Variants in CSMD1 observed in about 807,000 individuals in gnomAD.
CSMD1 encodes the protein CUB and Sushi multiple domains 1, also known as CUB and sushi domain-containing protein 1.
CSMD1 carries 213 observed loss-of-function variants against 417.5 expected under a neutral mutation model. The ratio of observed to expected loss-of-function variants is 0.51; its 90% confidence interval spans 0.46 to 0.57. The LOEUF (loss-of-function observed/expected upper bound fraction) is 0.57. Ranked by LOEUF, CSMD1 falls within the 20% of genes least tolerant of loss-of-function variation. CSMD1 has a pLI of 0.00. For synonymous variants in CSMD1, 2,862 were observed against 1,736.8 expected (o/e 1.65, Z -16.11); for missense variants, 6,923 against 4,529.7 (o/e 1.53, Z -15.17).
chr8:3,335,354 A>G (rs1490949726), intron 23 of CSMD1, among the ~76,000 whole-genome samples: 1 of 152,140 alleles, frequency 6.6e-6, no homozygotes, highest in Non-Finnish European at 1.5e-5. Context: ...GTGTGTCCCA[A>G]CGACACAAAT....
chr8:4,346,838 G>A (rs1296337492), intron 3 of CSMD1, among the ~76,000 whole-genome samples: 2 of 152,172 alleles, frequency 1.3e-5, no homozygotes, highest in South Asian at 2.1e-4. Context: ...GATTGAGACT[G>A]AGGGCCTGAG....
At chr8:3,153,704 G>A (rs924588619) in intron 39 of CSMD1, among the ~76,000 whole-genome samples, 1 of 152,148 alleles carries the variant, frequency 6.6e-6, no homozygotes, top group Non-Finnish European at 1.5e-5. Context: ...GGAGGGGCTG[G>A]CCCAGGACCT....
intron 7 of CSMD1, among the ~76,000 whole-genome samples, chr8:3,695,618 C>T (rs1355827426): frequency 6.6e-6 from 1 of 152,024 alleles, no homozygotes; most frequent in Non-Finnish European, 1.5e-5. Flanking sequence ...TCACGTGTTT[C>T]ACAAAAGCAT....
chr8:4,377,690 A>G (rs924452405), intron 3 of CSMD1, among the ~76,000 whole-genome samples: 1 of 152,172 alleles, frequency 6.6e-6, no homozygotes, highest in Non-Finnish European at 1.5e-5. Flanking sequence ...AGCTTTTAAA[A>G]ATTTCATCTG....
At chr8:4,003,203 C>T (rs1815836039) in intron 4 of CSMD1, among the ~76,000 whole-genome samples, 2 of 152,012 alleles carry the variant, frequency 1.3e-5, no homozygotes, top group Admixed American at 1.3e-4. Context: ...ACCATCCTGG[C>T]TAACATGGTG....
In CSMD1 at chr8:4,923,936, G is replaced by C. The variant is rs189393980; in HGVS notation, c.85+70396C>G. On this transcript the variant is annotated intron_variant, in intron 1 of 69. Transcript: ENST00000635120. ...TGGGTTCTATGGAGGAAAGAAAGTA[G>C]CTTAGCAAGCTATTCTCAACCTTGC... Among the ~76,000 whole-genome samples the C allele has an allele frequency of 1.0e-3, 157 of 152,312 alleles. 1 individual carries two copies. Among genetic ancestry groups the C allele is most frequent in the African/African-American group, 4.6e-4 (19 of 41,572 alleles).
At chr8:3,478,380 C>T (rs1262819326) in intron 11 of CSMD1, among the ~76,000 whole-genome samples, 2 of 152,194 alleles carry the variant, frequency 1.3e-5, no homozygotes, top group South Asian at 2.1e-4. Flanking sequence ...GAGTGCAGCC[C>T]ACACTACTTA....
At chr8:4,330,656 C>G (rs1330982062) in intron 3 of CSMD1, among the ~76,000 whole-genome samples, 1 of 151,952 alleles carries the variant, frequency 6.6e-6, no homozygotes, top group Non-Finnish European at 1.5e-5. Context: ...TTCACAACCT[C>G]TTATGCCTTT....
At chr8:3,833,018 A>T (rs1802462785) in intron 5 of CSMD1, among the ~76,000 whole-genome samples, 1 of 152,172 alleles carries the variant, frequency 6.6e-6, no homozygotes, top group South Asian at 2.1e-4. Flanking sequence ...TCAGCTGCTA[A>T]GTTGATACTA....
intron 3 of CSMD1, among the ~76,000 whole-genome samples, chr8:4,198,075 G>A (rs1349118208): frequency 6.6e-6 from 1 of 152,226 alleles, no homozygotes; most frequent in Non-Finnish European, 1.5e-5. Context: ...AAAGCGCAAA[G>A]CGAGGGAAGT....
intron 3 of CSMD1, among the ~76,000 whole-genome samples, chr8:4,093,975 T>C (rs1055193898): frequency 4.7e-5 from 7 of 149,920 alleles, no homozygotes; most frequent in East Asian, 2.0e-4. Flanking sequence ...AATAGATAGA[T>C]AGATAGATAG....
At chr8:3,850,567 C>A (rs1803830295) in intron 5 of CSMD1, among the ~76,000 whole-genome samples, 1 of 152,110 alleles carries the variant, frequency 6.6e-6, no homozygotes, top group Non-Finnish European at 1.5e-5. Context: ...TGATGGCTCT[C>A]ACCTGTTTTC....
intron 5 of CSMD1, among the ~76,000 whole-genome samples, chr8:3,828,168 GC>G (rs1201246759): frequency 6.6e-6 from 1 of 152,054 alleles, no homozygotes; most frequent in Non-Finnish European, 1.5e-5. Flanking sequence ...ATTTACAAAG[GC>G]AATCCAAGTT....
intron 10 of CSMD1, among the ~76,000 whole-genome samples, chr8:3,548,544 T>C (rs889334846): frequency 1.5e-4 from 23 of 151,798 alleles, no homozygotes; most frequent in African/African-American, 4.1e-4. Flanking sequence ...GAACATACGA[T>C]GTTTGGTTTT....
chr8:3,946,830 T>A (rs1811262386), intron 5 of CSMD1, among the ~76,000 whole-genome samples: 1 of 152,186 alleles, frequency 6.6e-6, no homozygotes, highest in Non-Finnish European at 1.5e-5. Flanking sequence ...ATTCTGTAAA[T>A]GTTATAATTT....
intron 1 of CSMD1, among the ~76,000 whole-genome samples, chr8:4,742,100 G>A (rs907368503): frequency 2.3e-5 from 3 of 128,060 alleles, no homozygotes; most frequent in South Asian, 2.6e-4. Context: ...GCGCAATCTC[G>A]GCTCACTGCA....
At chr8:4,450,615 G>A (rs976519239) in intron 2 of CSMD1, among the ~76,000 whole-genome samples, 2 of 152,196 alleles carry the variant, frequency 1.3e-5, no homozygotes, top group Admixed American at 1.3e-4. Flanking sequence ...TGGTAACAGA[G>A]TGACACTCAG....
chr8:4,676,084 TC>T (rs1335786255), intron 1 of CSMD1, among the ~76,000 whole-genome samples: 1 of 152,162 alleles, frequency 6.6e-6, no homozygotes, highest in Non-Finnish European at 1.5e-5. Flanking sequence ...GAAGCGATGA[TC>T]CCCCATATTG....
At chr8:3,391,407 T>C (rs571114227) in intron 17 of CSMD1, among the ~76,000 whole-genome samples, 10 of 152,298 alleles carry the variant, frequency 6.6e-5, no homozygotes, top group Non-Finnish European at 1.3e-4. Context: ...ATTCCATTTA[T>C]TTTCCAATTT....
Sources: allele counts gnomAD v4.1 joint callset (sites outside exome capture counted in the v4.1 genomes callset), GRCh38; gene constraint gnomAD v4.1.1; transcripts MANE v1.5; gene names NCBI Gene and HGNC (gene_info 2026-07-23, HGNC 2026-07-21).